CCSER2: variants seen among roughly 807,000 people sequenced by gnomAD.
CCSER2 encodes the protein serine-rich coiled-coil domain-containing protein 2.
Under a neutral mutation model 92.3 loss-of-function variants are expected in CCSER2, and 46 were observed. The ratio of observed to expected loss-of-function variants is 0.50; its 90% CI spans 0.39 to 0.64. CCSER2 has a LOEUF of 0.64. Ranked by LOEUF, CCSER2 falls within the 30% of genes least tolerant of loss-of-function variation. The probability of loss-of-function intolerance (pLI) is 0.00; values close to 1 mark genes in which losing one functional copy is unlikely to be tolerated. For missense variants in CCSER2, 1,244 were observed against 1,238.9 expected (o/e 1.00, Z -0.06); for synonymous variants, 433 against 431.4 (o/e 1.00, Z -0.04).
intron 9 of CCSER2, among the ~76,000 whole-genome samples, chr10:84,482,411 C>A (rs1017163876): frequency 4.6e-5 from 7 of 152,264 alleles, no homozygotes; most frequent in East Asian, 3.9e-4. Context: ...AATCAAGATT[C>A]ATTTTAAACA....
intron 1 of CCSER2, among the ~76,000 whole-genome samples, chr10:84,356,724 A>G (rs1431120416): frequency 6.6e-6 from 1 of 152,174 alleles, no homozygotes; most frequent in African/African-American, 2.4e-5. Context: ...GTGGAAAAAA[A>G]TCAATATCAT....
At chr10:84,465,314 ATTTTTTTTTTTT>A (rs34510394) in intron 7 of CCSER2, among the ~76,000 whole-genome samples, 7 of 49,900 alleles carry the variant, frequency 1.4e-4, no homozygotes, top group South Asian at 7.5e-4. Flanking sequence ...ACATGTAAAG[ATTTTTTTTTTTT>A]TTTTTTTTTT....
At chr10:84,401,542 G>GA (rs530383729) in intron 3 of CCSER2, among the ~76,000 whole-genome samples, 65 of 151,262 alleles carry the variant, frequency 4.3e-4, no homozygotes, top group East Asian at 7.7e-4. Context: ...TTACTCTGTG[G>GA]AAAAAAAAAT....
intron 1 of CCSER2, among the ~76,000 whole-genome samples, chr10:84,340,332 C>T (rs1844105553): frequency 6.6e-6 from 1 of 152,142 alleles, no homozygotes; most frequent in African/African-American, 2.4e-5. Flanking sequence ...ACAGGTTGCT[C>T]TCTTGCCCCC....
At chr10:84,333,316 G>A (rs918663542) in intron 1 of CCSER2, among the ~76,000 whole-genome samples, 3 of 152,062 alleles carry the variant, frequency 2.0e-5, no homozygotes, top group Non-Finnish European at 4.4e-5. Flanking sequence ...TTGAGTGCTG[G>A]GTGTTTTGCT....
intron 5 of CCSER2, among the ~76,000 whole-genome samples, chr10:84,434,539 G>A (rs989055958): frequency 2.0e-5 from 3 of 152,072 alleles, no homozygotes; most frequent in African/African-American, 7.2e-5. Flanking sequence ...TAGATGCAAA[G>A]CAAATGTGTC....
At chr10:84,352,057 T>A (rs1844888870) in intron 1 of CCSER2, among the ~76,000 whole-genome samples, 1 of 152,062 alleles carries the variant, frequency 6.6e-6, no homozygotes, top group Admixed American at 6.5e-5. Flanking sequence ...TCCCAGCACT[T>A]TGGGAGGCCG....
chr10:84,440,605 T>C (rs1564666323), intron 6 of CCSER2, among the ~76,000 whole-genome samples: 1 of 152,230 alleles, frequency 6.6e-6, no homozygotes, highest in Non-Finnish European at 1.5e-5. Context: ...AGGGACTTAC[T>C]TTTGCCATAA....
intron 3 of CCSER2, among the ~76,000 whole-genome samples, chr10:84,400,461 G>A (rs575679694): frequency 5.3e-5 from 8 of 152,150 alleles, no homozygotes; most frequent in South Asian, 4.1e-4. Context: ...GTGAGCCACC[G>A]CACCCAGCCT....
chr10:84,471,729 C>T (rs1025759688), intron 8 of CCSER2, among the ~76,000 whole-genome samples: 6 of 151,962 alleles, frequency 3.9e-5, no homozygotes, highest in Non-Finnish European at 7.4e-5. Flanking sequence ...AAACTTACTG[C>T]CCATTTTACC....
In CCSER2 at chr10:84,391,926, C is replaced by T. The variant is rs80320963; in HGVS notation, c.1614+18111C>T. 5.3e-4 allele frequency: 717 copies of T among 1,345,876 alleles called. 10 individuals carry two copies. The East Asian group carries it at 0.014, about 27-fold the overall frequency. The allele number at this position is 1,345,876 out of a possible 1,614,324, so 83.4% of individuals were successfully genotyped here. A position where few individuals can be genotyped will look rare whatever the true frequency, so the allele number is the denominator to read the frequency against. On this transcript the variant is annotated intron_variant, in intron 3 of 9. Coordinates refer to ENST00000372088, the MANE Select transcript of CCSER2 (RefSeq NM_001284240.2). Reference sequence around the variant, plus strand: ...TTAACCCAAAAGATGATCTCAGAGACACATTCGGTGTAAGATCCTTCATGG... The same window carrying T: ...TTAACCCAAAAGATGATCTCAGAGATACATTCGGTGTAAGATCCTTCATGG...
At chr10:84,429,614 AC>A (rs368275888) in intron 5 of CCSER2, among the ~76,000 whole-genome samples, 2,070 of 56,250 alleles carry the variant, frequency 0.037, 53 homozygotes, top group African/African-American at 0.12. Context: ...TGCCACCACC[AC>A]CCCCCCCAGC....
intron 1 of CCSER2, among the ~76,000 whole-genome samples, chr10:84,361,733 T>C (rs1845514444): frequency 6.6e-6 from 1 of 151,958 alleles, no homozygotes; most frequent in Admixed American, 6.6e-5. Context: ...CCTCTGCGTT[T>C]TGGATTTTTG....
In CCSER2 at chr10:84,372,322, T is replaced by G; in HGVS notation, c.1270T>G (p.Ser424Ala). The G allele has an allele frequency of 6.2e-7, 1 of 1,612,246 alleles. No homozygotes were observed. The highest frequency in any genetic ancestry group is 2.2e-5 in the East Asian group (1 of 44,842). ...TGATGATTTTATAGATATAGAAGAC[T>G]CCAACAGAACTAGAATAACTCCAGA... ...FSDDFIDIED[S>A]NRTRITPEEM... is the part of the protein sequence containing the mutation. The change falls in exon 2 of 10, where the codon TCC (serine) becomes GCC (alanine). Residue 424 changes from serine (S) to alanine (A), a missense_variant. Coordinates refer to ENST00000372088, the MANE Select transcript of CCSER2 (RefSeq NM_001284240.2).
intron 3 of CCSER2, among the ~76,000 whole-genome samples, chr10:84,388,759 G>A (rs1564621522): frequency 6.6e-6 from 1 of 152,098 alleles, no homozygotes; most frequent in African/African-American, 2.4e-5. Flanking sequence ...TTCTCATAAG[G>A]TGTGTGCAAC....
intron 9 of CCSER2, among the ~76,000 whole-genome samples, chr10:84,489,122 G>T (rs1440498222): frequency 1.3e-5 from 2 of 152,182 alleles, no homozygotes; most frequent in Non-Finnish European, 1.5e-5. Flanking sequence ...TATAGTTTCT[G>T]TTCTTTTACA....
At chr10:84,454,299 T>G (rs1845473393) in intron 6 of CCSER2, among the ~76,000 whole-genome samples, 2 of 152,176 alleles carry the variant, frequency 1.3e-5, no homozygotes, top group South Asian at 4.1e-4. Context: ...GGATATCCGC[T>G]ATATTGGATT....
intron 6 of CCSER2, among the ~76,000 whole-genome samples, chr10:84,457,655 AT>A (rs1845844732): frequency 1.9e-5 from 2 of 103,206 alleles, no homozygotes; most frequent in East Asian, 2.7e-4. Context: ...ATATAATTAT[AT>A]TATTTTTAAT....
chr10:84,362,859 G>A (rs1437818751), intron 1 of CCSER2, among the ~76,000 whole-genome samples: 1 of 151,584 alleles, frequency 6.6e-6, no homozygotes, highest in Non-Finnish European at 1.5e-5. Context: ...TTTTTGAGAT[G>A]GAGTTTCACT....
Sources: allele counts gnomAD v4.1 joint callset (sites outside exome capture counted in the v4.1 genomes callset), GRCh38; gene constraint gnomAD v4.1.1; transcripts MANE v1.5; gene names NCBI Gene and HGNC (gene_info 2026-07-23, HGNC 2026-07-21).